Variants in NXPH1 observed in about 807,000 individuals in gnomAD.
NXPH1 encodes the protein neurexophilin 1, also known as neurexophilin-1.
Under a neutral mutation model 23.7 loss-of-function variants are expected in NXPH1, and 5 were observed. The ratio of observed to expected loss-of-function variants is 0.21; its 90% CI spans 0.11 to 0.44. The LOEUF (loss-of-function observed/expected upper bound fraction) is 0.44. Among genes scored for constraint, NXPH1 ranks in the 20% least tolerant of loss-of-function variants. NXPH1 has a pLI of 0.99. For missense variants in NXPH1, 324 were observed against 321.6 expected, an observed-to-expected ratio of 1.01 and a Z score of -0.06; for synonymous variants, 144 against 122.2, an observed-to-expected ratio of 1.18 and a Z score of -1.18.
chr7:8,750,807 CT>C (rs1780550325), intron 2 of NXPH1, among the ~76,000 whole-genome samples, 200 bp from the exon 3 acceptor site: 1 of 152,078 alleles, frequency 6.6e-6, no homozygotes, highest in Admixed American at 6.6e-5. Flanking sequence ...GCTGATGGTG[CT>C]TTTAAAACGT....
intron 2 of NXPH1, among the ~76,000 whole-genome samples, chr7:8,576,820 C>T (rs111442176): frequency 0.015 from 2,253 of 152,154 alleles, 63 homozygotes; most frequent in African/African-American, 0.051. Context: ...CTCTTGAGTT[C>T]ATTAGATTAT....
chr7:8,640,399 C>T (rs1185035751), intron 2 of NXPH1, among the ~76,000 whole-genome samples: 1 of 151,318 alleles, frequency 6.6e-6, no homozygotes, highest in African/African-American at 2.4e-5. Context: ...CCATTTTTTT[C>T]ACCACTGATT....
chr7:8,740,014 G>C (rs1780333984), intron 2 of NXPH1, among the ~76,000 whole-genome samples: 1 of 152,156 alleles, frequency 6.6e-6, no homozygotes, highest in Non-Finnish European at 1.5e-5. Context: ...CTCTAAAGAT[G>C]ACCACAGAGT....
chr7:8,655,394 TTGTCTTTCTCTCTCTC>T (rs1820558203), intron 2 of NXPH1, among the ~76,000 whole-genome samples: 1 of 40,192 alleles, frequency 2.5e-5, no homozygotes, highest in African/African-American at 8.1e-5. Flanking sequence ...GTCTTTGTCT[TTGTCTTTCTCTCTCTC>T]TCTCTCTCTC....
Position 8,433,674 on chromosome 7 carries a change from GC to G in NXPH1, c.-1190del, listed in dbSNP as rs1816136951. Among the ~76,000 whole-genome samples the G allele has an allele frequency of 6.6e-6, 1 of 152,162 alleles. No individual in the cohort carries two copies. The highest frequency in any genetic ancestry group is 2.1e-4 in the South Asian group (1 of 4,826). ...CGGCTCCCCCGCCTCCGGCCCGGCAGCCACAGGTCGGAGGCGCCCGGCGTCG... is the reference window on the plus strand; with the variant it reads ...CGGCTCCCCCGCCTCCGGCCCGGCAGCACAGGTCGGAGGCGCCCGGCGTCG... On this transcript the variant is annotated 5_prime_UTR_variant, in exon 1 of 3. It introduces an in-frame stop codon into an upstream open reading frame of the 5' UTR. Coordinates refer to ENST00000405863, the MANE Select transcript of NXPH1 (RefSeq NM_152745.3). This position sits in a 1 kb window ranked among gnomAD's most constrained non-coding sequence, Gnocchi z 6.8.
At chr7:8,584,991 C>T (rs1240079936) in intron 2 of NXPH1, among the ~76,000 whole-genome samples, 2 of 152,120 alleles carry the variant, frequency 1.3e-5, no homozygotes, top group South Asian at 2.1e-4. Flanking sequence ...GGCCTCTCTA[C>T]AGTTTAAAAA....
At position 8,434,924 on chromosome 7, in the gene NXPH1, T is replaced by C. The variant is rs1203874845; in HGVS notation, c.-111+169T>C. The C allele has an allele frequency of 6.6e-6, 1 of 152,196 alleles. No homozygotes were observed. The highest frequency in any genetic ancestry group is 6.5e-5 in the Admixed American group (1 of 15,274). 9.4% of individuals were successfully genotyped at this position (152,196 alleles called of 1,614,324 possible). A position where few individuals can be genotyped will look rare whatever the true frequency, so the allele number is the denominator to read the frequency against. ...TTCTCTAGAAGTTAGCGACCGGCTG[T>C]ACCCTTTGGCTCGAAAAAAGTAGTG... On this transcript the variant is annotated intron_variant, in intron 1 of 2. Coordinates refer to ENST00000405863, the MANE Select transcript of NXPH1 (RefSeq NM_152745.3). This position sits in a 1 kb window ranked among gnomAD's most constrained non-coding sequence, Gnocchi z 7.6.
intron 2 of NXPH1, among the ~76,000 whole-genome samples, chr7:8,721,510 T>C (rs1436122178): frequency 6.6e-6 from 1 of 152,246 alleles, no homozygotes; most frequent in Non-Finnish European, 1.5e-5. Context: ...TTCTTGTGGC[T>C]CACGCCTGTA....
intron 2 of NXPH1, among the ~76,000 whole-genome samples, chr7:8,735,189 G>T (rs1780227545): frequency 6.6e-6 from 1 of 152,286 alleles, no homozygotes; most frequent in East Asian, 1.9e-4. Flanking sequence ...TTGAATAGGA[G>T]TGGTGAGTGA....
At chr7:8,545,213 A>T (rs997252007) in intron 2 of NXPH1, among the ~76,000 whole-genome samples, 2 of 151,510 alleles carry the variant, frequency 1.3e-5, no homozygotes, top group Non-Finnish European at 3.0e-5. Flanking sequence ...GCATGGAGGG[A>T]GTAGAAGATT....
chr7:8,617,288 G>C (rs1437849390), intron 2 of NXPH1, among the ~76,000 whole-genome samples: 1 of 152,082 alleles, frequency 6.6e-6, no homozygotes, highest in Non-Finnish European at 1.5e-5. Context: ...GTAGACATGG[G>C]AGTTGAGAAA....
chr7:8,702,807 T>TAA (rs1449349454), intron 2 of NXPH1, among the ~76,000 whole-genome samples: 1 of 152,112 alleles, frequency 6.6e-6, no homozygotes, highest in Admixed American at 6.6e-5. Flanking sequence ...CTCTTACAGT[T>TAA]AGAGATGTGA....
At chr7:8,613,931 C>T (rs1172841853) in intron 2 of NXPH1, among the ~76,000 whole-genome samples, 1 of 151,606 alleles carries the variant, frequency 6.6e-6, no homozygotes, top group Non-Finnish European at 1.5e-5. Flanking sequence ...AAAATTATAT[C>T]ATAAATCATA....
chr7:8,435,435 G>T lies in NXPH1; in HGVS notation c.-110-169G>T. 1 of 515,186 alleles carries T rather than the reference G, an allele frequency of 1.9e-6. No individual in the cohort carries two copies. Among genetic ancestry groups the T allele is most frequent in the Non-Finnish European group, 3.5e-6 (1 of 287,044 alleles). 31.9% of individuals were successfully genotyped at this position (515,186 alleles called of 1,614,324 possible). ...GCCCGCCTCCCCAGCTGCGGACCGC[G>T]CGCTTGCTGGTCTCAGGCGCTGGAT... is the stretch of plus-strand genomic sequence containing the variant. On this transcript the variant is annotated intron_variant, in intron 1 of 2. Transcript: ENST00000405863. This position sits in a 1 kb window ranked among gnomAD's most constrained non-coding sequence, Gnocchi z 5.9.
chr7:8,687,608 C>A (rs1356704352), intron 2 of NXPH1, among the ~76,000 whole-genome samples: 3 of 152,124 alleles, frequency 2.0e-5, no homozygotes, highest in Non-Finnish European at 4.4e-5. Flanking sequence ...TTAAATACTG[C>A]CTTTGCACAT....
intron 2 of NXPH1, among the ~76,000 whole-genome samples, chr7:8,642,953 C>G (rs1443826956): frequency 2.0e-5 from 3 of 152,038 alleles, no homozygotes; most frequent in African/African-American, 7.2e-5. Context: ...CAACCTCCAT[C>G]TCCTGGGTTC....
chr7:8,725,456 C>T (rs1290311632), intron 2 of NXPH1, among the ~76,000 whole-genome samples: 3 of 149,170 alleles, frequency 2.0e-5, no homozygotes, highest in Non-Finnish European at 4.4e-5. Flanking sequence ...AGCCACTGCA[C>T]TCCAACCTGG....
chr7:8,605,674 T>G (rs1417459452), intron 2 of NXPH1, among the ~76,000 whole-genome samples: 9 of 152,146 alleles, frequency 5.9e-5, no homozygotes, highest in Non-Finnish European at 1.3e-4. Context: ...ATACCAATTT[T>G]GCCTACAAAA....
chr7:8,640,508 CT>C (rs1215287215), intron 2 of NXPH1, among the ~76,000 whole-genome samples: 1 of 151,610 alleles, frequency 6.6e-6, no homozygotes, highest in Non-Finnish European at 1.5e-5. Context: ...TCCTGTACTT[CT>C]TTACTTGTCT....
Sources: gnomAD v4.1 joint callset for allele counts (sites outside exome capture counted in the v4.1 genomes callset) on GRCh38, gnomAD v4.1.1 for gene constraint, Gnocchi (gnomAD v3.1) non-coding constraint, MANE v1.5 for transcripts, NCBI Gene and HGNC (gene_info 2026-07-23, HGNC 2026-07-21) for gene names.